Variants in REEP1 observed in about 807,000 individuals in gnomAD.
REEP1 encodes receptor accessory protein 1.
A neutral mutation model predicts 40.3 loss-of-function variants in REEP1; 22 were observed. The ratio of observed to expected loss-of-function variants is 0.55; its 90% confidence interval spans 0.39 to 0.78. REEP1 has a LOEUF of 0.78. Ranked by LOEUF, REEP1 falls within the 30% of genes least tolerant of loss-of-function variation. The probability of loss-of-function intolerance (pLI) is 0.00; values close to 1 mark genes in which losing one functional copy is unlikely to be tolerated. For synonymous variants in REEP1, 116 were observed against 139.2 expected (o/e 0.83, Z 1.17); for missense variants, 280 against 361.1 (o/e 0.78, Z 1.82).
At chr2:86,299,938 C>T (rs1240683527) in intron 1 of REEP1, among the ~76,000 whole-genome samples, 3 of 152,026 alleles carry the variant, frequency 2.0e-5, no homozygotes, top group African/African-American at 7.3e-5. Context: ...AGTAAAATAC[C>T]CTCCAATCTT....
intron 7 of REEP1, among the ~76,000 whole-genome samples, chr2:86,226,752 G>A (rs1474926487): frequency 6.6e-6 from 1 of 151,740 alleles, no homozygotes; most frequent in Admixed American, 6.6e-5. Context: ...TTACAGGCAT[G>A]AGCCACCCCG....
At chr2:86,301,296 G>C (rs1190144799) in intron 1 of REEP1, among the ~76,000 whole-genome samples, 1 of 152,208 alleles carries the variant, frequency 6.6e-6, no homozygotes, top group African/African-American at 2.4e-5. Flanking sequence ...GATAATGGCA[G>C]CCAGCTTGCA....
At chr2:86,274,886 G>A (rs1007731887) in intron 2 of REEP1, among the ~76,000 whole-genome samples, 2 of 152,090 alleles carry the variant, frequency 1.3e-5, no homozygotes, top group African/African-American at 2.4e-5. Context: ...GGTAGGAAGC[G>A]GCCTGGAGAC....
chr2:86,224,281 C>T (rs1674577788), intron 7 of REEP1, among the ~76,000 whole-genome samples: 1 of 152,230 alleles, frequency 6.6e-6, no homozygotes, highest in Non-Finnish European at 1.5e-5. Flanking sequence ...CTTGTGACAA[C>T]ATTTCAGGGG....
intron 4 of REEP1, among the ~76,000 whole-genome samples, chr2:86,252,379 A>G (rs953497710): frequency 7.2e-5 from 11 of 152,156 alleles, no homozygotes; most frequent in African/African-American, 2.7e-4. Flanking sequence ...CTGCCATTCT[A>G]CACACAGCCA....
chr2:86,240,881 A>C (rs1675632101), intron 5 of REEP1, among the ~76,000 whole-genome samples: 1 of 152,188 alleles, frequency 6.6e-6, no homozygotes, highest in Non-Finnish European at 1.5e-5. Flanking sequence ...CTTTCTGGGA[A>C]GTGCCCTTAA....
At chr2:86,245,986 G>A (rs559518734) in intron 5 of REEP1, among the ~76,000 whole-genome samples, 32 of 151,956 alleles carry the variant, frequency 2.1e-4, no homozygotes, top group African/African-American at 4.6e-4. Flanking sequence ...GGATGGTCTC[G>A]ATCTCCTGAC....
At chr2:86,329,350 C>T (rs1267812172) in intron 1 of REEP1, among the ~76,000 whole-genome samples, 1 of 152,186 alleles carries the variant, frequency 6.6e-6, no homozygotes, top group East Asian at 1.9e-4. Context: ...GAGGGTGGGG[C>T]CTTTGCCAGG....
At chr2:86,233,709 C>T (rs1448675210) in intron 5 of REEP1, among the ~76,000 whole-genome samples, 4 of 152,002 alleles carry the variant, frequency 2.6e-5, no homozygotes, top group African/African-American at 9.7e-5. Context: ...AATTGAGAAT[C>T]GGCTAGGATT....
chr2:86,285,044 G>A (rs1396444052), intron 1 of REEP1, among the ~76,000 whole-genome samples: 1 of 152,182 alleles, frequency 6.6e-6, no homozygotes, highest in Admixed American at 6.5e-5. Context: ...AAGCCAAAAG[G>A]GCTTGGTACT....
intron 6 of REEP1, among the ~76,000 whole-genome samples, chr2:86,230,667 T>C (rs1230868923): frequency 1.3e-5 from 2 of 152,244 alleles, no homozygotes; most frequent in African/African-American, 4.8e-5. Flanking sequence ...ACAGCTACTA[T>C]GCACTGGCGC....
intron 2 of REEP1, among the ~76,000 whole-genome samples, chr2:86,276,243 C>T (rs1377999530): frequency 6.6e-6 from 1 of 152,250 alleles, no homozygotes; most frequent in African/African-American, 2.4e-5. Context: ...GATACCATAT[C>T]ACAAGGCACC....
At chr2:86,264,763 C>A (rs13418778) in intron 2 of REEP1, among the ~76,000 whole-genome samples, 1 of 152,176 alleles carries the variant, frequency 6.6e-6, no homozygotes, top group South Asian at 2.1e-4. Context: ...TAATAAACAC[C>A]AAACAAAATA....
At chr2:86,337,732 G>A (rs1297530461), upstream of REEP1, 1 of 902,422 alleles carries the variant, frequency 1.1e-6, no homozygotes, top group Non-Finnish European at 1.3e-6. The surrounding 1 kb of genome is among the most constrained non-coding windows in gnomAD (Gnocchi z 5.8). Context: ...CGGGCCCGCA[G>A]CGATTGGGCG....
At chr2:86,317,571 G>T (rs1680076575) in intron 1 of REEP1, among the ~76,000 whole-genome samples, 1 of 152,190 alleles carries the variant, frequency 6.6e-6, no homozygotes, top group Non-Finnish European at 1.5e-5. Flanking sequence ...CCAATGAAAG[G>T]TAAAACTGCC....
Position 86,308,847 on chromosome 2 carries a change from C to T in REEP1, c.33-26605G>A, listed in dbSNP as rs149244853. ...GTAAAGAGAATTTGTGGGGAGGACA[C>T]GGGTGCAGGGAGGGTTTAGCATACA... is the stretch of plus-strand genomic sequence containing the variant. On this transcript the variant is annotated intron_variant, in intron 1 of 8. Coordinates refer to ENST00000538924, the MANE Select transcript of REEP1 (RefSeq NM_001371279.1). 1.4e-4 allele frequency among the ~76,000 whole-genome samples: 22 copies of T among 152,258 alleles called. No individual in the cohort carries two copies. In the East Asian group the frequency reaches 1.7e-3, roughly 12 times the overall value.
intron 1 of REEP1, among the ~76,000 whole-genome samples, chr2:86,297,946 T>C (rs1184763650): frequency 6.6e-6 from 1 of 152,186 alleles, no homozygotes; most frequent in African/African-American, 2.4e-5. Flanking sequence ...GGCAAAAACT[T>C]CAGCACCATA....
intron 5 of REEP1, among the ~76,000 whole-genome samples, chr2:86,238,556 C>A (rs1675487718): frequency 6.6e-6 from 1 of 152,196 alleles, no homozygotes. Flanking sequence ...GGAGCTGCCG[C>A]CTGGGTGAAG....
intron 1 of REEP1, among the ~76,000 whole-genome samples, chr2:86,287,111 C>T (rs182981002): frequency 3.3e-3 from 506 of 152,040 alleles, no homozygotes; most frequent in Non-Finnish European, 5.9e-3. Context: ...TTTTTTGAGA[C>T]AAAGTCTCAC....
Sources: allele counts gnomAD v4.1 joint callset (sites outside exome capture counted in the v4.1 genomes callset), GRCh38; gene constraint gnomAD v4.1.1; non-coding constraint Gnocchi (gnomAD v3.1); transcripts MANE v1.5; gene names NCBI Gene and HGNC (gene_info 2026-07-23, HGNC 2026-07-21).